CHLSN: variants seen among roughly 807,000 people sequenced by gnomAD.
CHLSN encodes protein cholesin.
the CHLSN span, chr7:1,058,632 G>A: frequency 1.6e-6 from 1 of 616,980 alleles, no homozygotes; most frequent in East Asian, 2.7e-5. Context: ...GAAGCAGGAG[G>A]GGTGTTTTTC....
the CHLSN span, chr7:983,241 C>A: frequency 6.5e-7 from 1 of 1,529,592 alleles, no homozygotes; most frequent in African/African-American, 1.4e-5. Context: ...TGTTCCTGGG[C>A]CTCCTGGGGC....
chr7:1,000,921 A>G, the CHLSN span, among the ~76,000 whole-genome samples: 1 of 152,258 alleles, frequency 6.6e-6, no homozygotes, highest in South Asian at 2.1e-4. Flanking sequence ...TTGATGATGT[A>G]TTTTCTACAT....
the CHLSN span, among the ~76,000 whole-genome samples, chr7:1,002,650 C>T: frequency 2.3e-3 from 98 of 43,264 alleles, no homozygotes; most frequent in African/African-American, 7.9e-3. Context: ...GGGAGTCCTG[C>T]GGGTGAGTGG....
At chr7:991,982 C>T in the CHLSN span, among the ~76,000 whole-genome samples, 1 of 152,146 alleles carries the variant, frequency 6.6e-6, no homozygotes, top group Non-Finnish European at 1.5e-5. Context: ...TTTCAAGGGT[C>T]CCAGAGAACT....
chr7:1,123,326 G>A, the CHLSN span, among the ~76,000 whole-genome samples: 1 of 152,234 alleles, frequency 6.6e-6, no homozygotes, highest in Non-Finnish European at 1.5e-5. This position sits in a 1 kb window ranked among gnomAD's most constrained non-coding sequence, Gnocchi z 4.4. Context: ...GCTGTGGGAA[G>A]AGGCTGCACG....
the CHLSN span, among the ~76,000 whole-genome samples, chr7:1,002,018 T>C: frequency 3.1e-5 from 2 of 65,072 alleles, no homozygotes; most frequent in African/African-American, 6.7e-5. Flanking sequence ...TGGAGTCCTG[T>C]GGGTGGGGAG....
the CHLSN span, chr7:1,057,576 G>A: frequency 1.3e-6 from 1 of 772,950 alleles, no homozygotes; most frequent in Non-Finnish European, 2.4e-6. Context: ...TGCCTGCCAG[G>A]ACCTGCAGCT....
chr7:1,010,044 C>G, the CHLSN span: 1 of 1,611,470 alleles, frequency 6.2e-7, no homozygotes, highest in Non-Finnish European at 8.5e-7. Context: ...TGCCTCTCCT[C>G]TTTCTTCCGT....
chr7:1,076,104 C>G, the CHLSN span: 11 of 152,356 alleles, frequency 7.2e-5, no homozygotes, highest in African/African-American at 2.7e-4. Flanking sequence ...ATGCCCAGCG[C>G]CTTGTCAAAA....
chr7:1,110,026 C>T, the CHLSN span, among the ~76,000 whole-genome samples: 1 of 152,298 alleles, frequency 6.6e-6, no homozygotes, highest in African/African-American at 2.4e-5. Context: ...ACACCAATGC[C>T]GGCACCTTCT....
At chr7:1,028,211 A>C in the CHLSN span, 3 of 1,032,796 alleles carry the variant, frequency 2.9e-6, no homozygotes, top group Non-Finnish European at 3.5e-6. Flanking sequence ...GGCCCCTCCC[A>C]TCCCCTCCCT....
chr7:1,125,571 A>G, the CHLSN span, among the ~76,000 whole-genome samples: 13 of 151,514 alleles, frequency 8.6e-5, no homozygotes, highest in Non-Finnish European at 1.5e-4. Flanking sequence ...ATGTGCCCAA[A>G]CCACAGAATG....
the CHLSN span, among the ~76,000 whole-genome samples, chr7:1,008,861 G>A: frequency 6.8e-5 from 10 of 146,918 alleles, no homozygotes; most frequent in South Asian, 2.1e-4. Context: ...GTAAACACAC[G>A]CACACACGTG....
At chr7:1,132,126 T>A in the CHLSN span, among the ~76,000 whole-genome samples, 2 of 152,196 alleles carry the variant, frequency 1.3e-5, no homozygotes, top group East Asian at 3.8e-4. Flanking sequence ...CAGGATTAAA[T>A]CTTCATGACC....
chr7:1,005,869 G>A, the CHLSN span, among the ~76,000 whole-genome samples: 7 of 152,146 alleles, frequency 4.6e-5, no homozygotes, highest in African/African-American at 7.2e-5. Flanking sequence ...ACCACCTCCC[G>A]CCTCGAGCAG....
the CHLSN span, among the ~76,000 whole-genome samples, chr7:1,078,548 TC>T: frequency 1.3e-5 from 2 of 152,012 alleles, no homozygotes; most frequent in Non-Finnish European, 2.9e-5. Flanking sequence ...CACCCCACAC[TC>T]CCGTGACCAC....
chr7:1,056,775 A>T, the CHLSN span: 1 of 141,436 alleles, frequency 7.1e-6, no homozygotes, highest in African/African-American at 2.7e-5. Flanking sequence ...CTCCGAGAGT[A>T]GGAGGTCAGC....
the CHLSN span, among the ~76,000 whole-genome samples, chr7:992,982 C>G: frequency 0.22 from 32,917 of 152,152 alleles, 4,808 homozygotes; most frequent in African/African-American, 0.43. Flanking sequence ...TCGGGTAGCT[C>G]CTGCTGCATA....
the CHLSN span, chr7:1,000,520 G>A: frequency 6.2e-7 from 1 of 1,609,662 alleles, no homozygotes; most frequent in African/African-American, 1.3e-5. Flanking sequence ...CTCGTCTTCT[G>A]AAACCTCCAG....
Sources: gnomAD v4.1 joint callset for allele counts (sites outside exome capture counted in the v4.1 genomes callset) on GRCh38, gnomAD v4.1.1 for gene constraint, Gnocchi (gnomAD v3.1) non-coding constraint, MANE v1.5 for transcripts, NCBI Gene and HGNC (gene_info 2026-07-23, HGNC 2026-07-21) for gene names.